DOCK3: variants seen among roughly 807,000 people sequenced by gnomAD.
DOCK3 encodes dedicator of cytokinesis protein 3.
DOCK3 carries 60 observed loss-of-function variants against 265.6 expected under a neutral mutation model. The observed-to-expected ratio is 0.23, with a 90% CI of 0.18 to 0.28. The LOEUF (loss-of-function observed/expected upper bound fraction) is 0.28, where lower values mean the gene tolerates loss of function less well. Ranked by LOEUF, DOCK3 falls within the 10% of genes least tolerant of loss-of-function variation. DOCK3 has a pLI of 1.00. For missense variants in DOCK3, 1,981 were observed against 2,594.3 expected (o/e 0.76, Z 5.14); for synonymous variants, 881 against 938.0 (o/e 0.94, Z 1.11).
At chr3:50,868,912 T>G (rs2047280154) in intron 3 of DOCK3, among the ~76,000 whole-genome samples, 1 of 148,054 alleles carries the variant, frequency 6.8e-6, no homozygotes, top group Admixed American at 6.7e-5. Context: ...TTTTTTTTTT[T>G]TTTTTTTTTT....
At chr3:50,806,460 A>G (rs1011612951) in intron 2 of DOCK3, among the ~76,000 whole-genome samples, 11 of 151,494 alleles carry the variant, frequency 7.3e-5, no homozygotes, top group Middle Eastern at 3.4e-3. Flanking sequence ...CCATGTAGCC[A>G]GGCCACTGGC....
At chr3:51,277,462 C>A in intron 25 of DOCK3, 146 bp from the exon 26 acceptor site, 1 of 1,072,174 alleles carries the variant, frequency 9.3e-7, no homozygotes, top group Non-Finnish European at 1.3e-6. Context: ...GTCCTGGGTG[C>A]CTTGACACTG....
In DOCK3 at chr3:50,739,361, C is replaced by G. The variant is rs1394411902; in HGVS notation, c.38-39314C>G. On this transcript the variant is annotated intron_variant, in intron 1 of 52. Coordinates refer to ENST00000266037, the MANE Select transcript of DOCK3 (RefSeq NM_004947.5). Reference sequence around the variant, plus strand: ...AACCAAATCATTTAGTTGTTCCTCCCTTTTCATCTGTTTTTTCTCATTAGT... The same window carrying G: ...AACCAAATCATTTAGTTGTTCCTCCGTTTTCATCTGTTTTTTCTCATTAGT... Among the ~76,000 whole-genome samples the G allele has an allele frequency of 2.6e-5, 4 of 151,950 alleles. No homozygotes were observed. The South Asian group carries it at 6.2e-4, about 24-fold the overall frequency.
At chr3:50,948,087 C>T (rs186380349) in intron 5 of DOCK3, among the ~76,000 whole-genome samples, 15 of 117,988 alleles carry the variant, frequency 1.3e-4, no homozygotes, top group African/African-American at 1.9e-4. Flanking sequence ...GGCAGAGTTT[C>T]GCTCTGTTGC....
At chr3:51,199,779 C>T (rs923286694) in intron 12 of DOCK3, among the ~76,000 whole-genome samples, 7 of 151,912 alleles carry the variant, frequency 4.6e-5, no homozygotes, top group Admixed American at 2.0e-4. Context: ...CTGGGAGGCA[C>T]CCCCCAGTAG....
chr3:50,933,044 G>T (rs1262990698), intron 4 of DOCK3, among the ~76,000 whole-genome samples: 1 of 151,868 alleles, frequency 6.6e-6, no homozygotes, highest in Non-Finnish European at 1.5e-5. Context: ...ATGTGCTGGG[G>T]AACTCCTCTT....
intron 5 of DOCK3, among the ~76,000 whole-genome samples, chr3:50,961,600 C>A (rs1213634198): frequency 2.0e-5 from 3 of 152,082 alleles, no homozygotes; most frequent in Non-Finnish European, 4.4e-5. Flanking sequence ...AAGATTAGAT[C>A]ATTATATGTG....
intron 1 of DOCK3, among the ~76,000 whole-genome samples, chr3:50,748,236 G>T (rs1383448986): frequency 1.3e-5 from 2 of 152,082 alleles, no homozygotes; most frequent in Non-Finnish European, 1.5e-5. Flanking sequence ...TGAATTCTTT[G>T]CCTCAAGTGA....
At chr3:51,203,338 A>G (rs2088946562) in intron 12 of DOCK3, among the ~76,000 whole-genome samples, 3 of 152,362 alleles carry the variant, frequency 2.0e-5, no homozygotes, top group Admixed American at 6.5e-5. Flanking sequence ...TACAAAATCA[A>G]TGTACAGAAA....
intron 5 of DOCK3, among the ~76,000 whole-genome samples, chr3:50,941,213 T>C (rs982979356): frequency 6.6e-6 from 1 of 152,122 alleles, no homozygotes; most frequent in Non-Finnish European, 1.5e-5. Context: ...TGGAACTCTG[T>C]AAATGGAACA....
At chr3:50,880,811 A>G (rs1009647455) in intron 3 of DOCK3, among the ~76,000 whole-genome samples, 2 of 152,344 alleles carry the variant, frequency 1.3e-5, no homozygotes, top group African/African-American at 4.8e-5. Context: ...AAAGCCGGGC[A>G]GAGACACAAC....
chr3:50,774,925 A>G (rs766894187), intron 1 of DOCK3, among the ~76,000 whole-genome samples: 43 of 152,094 alleles, frequency 2.8e-4, no homozygotes, highest in Non-Finnish European at 4.3e-4. Context: ...TTTTTCATAT[A>G]TAGAGGTGAT....
intron 22 of DOCK3, among the ~76,000 whole-genome samples, chr3:51,252,775 G>C (rs2079324099): frequency 6.6e-6 from 1 of 152,134 alleles, no homozygotes; most frequent in African/African-American, 2.4e-5. Context: ...GAGACAGTGG[G>C]GTTTTCCAAA....
chr3:51,176,224 T>C (rs973417277), intron 12 of DOCK3, among the ~76,000 whole-genome samples: 2 of 152,156 alleles, frequency 1.3e-5, no homozygotes, highest in African/African-American at 4.8e-5. Flanking sequence ...GTTGGTACCT[T>C]AGGTCCCAAG....
At chr3:50,979,290 GTAGC>G (rs1261368305) in intron 5 of DOCK3, among the ~76,000 whole-genome samples, 1 of 152,056 alleles carries the variant, frequency 6.6e-6, no homozygotes, top group Non-Finnish European at 1.5e-5. Context: ...AATTGTTTTG[GTAGC>G]TATTGTAAAT....
intron 9 of DOCK3, among the ~76,000 whole-genome samples, chr3:51,116,598 T>C (rs778405932): frequency 3.3e-5 from 5 of 152,170 alleles, no homozygotes; most frequent in Admixed American, 6.5e-5. Context: ...TCCATGAACA[T>C]GGAATTTTTT....
intron 22 of DOCK3, among the ~76,000 whole-genome samples, chr3:51,250,197 T>C (rs1170955462): frequency 6.6e-6 from 1 of 150,898 alleles, no homozygotes; most frequent in Non-Finnish European, 1.5e-5. Flanking sequence ...GTTTATCTGC[T>C]GACCTTCCCT....
At position 51,348,937 on chromosome 3, in the gene DOCK3, G is replaced by T; in HGVS notation, c.4001G>T (p.Arg1334Leu). 6.4e-7 allele frequency: 1 copy of T among 1,566,044 alleles called. No individual in the cohort carries two copies. Among genetic ancestry groups the T allele is most frequent in the Non-Finnish European group, 8.7e-7 (1 of 1,155,370 alleles). ...GATTACCAGAGCCTCAGCTGGATTC[G>T]GGTGAGCTGTGCCCCTCCCCCCACC... ...LYDYQSLSWIRKMEASYYDNI... is the reference protein window; with the variant it reads ...LYDYQSLSWILKMEASYYDNI... The change falls in exon 39 of 53, where the codon CGG becomes CTG. Residue 1334 changes from arginine (R) to leucine (L), a missense_variant and splice_region_variant. By Grantham distance (102) the Arg-to-Leu change is moderately radical. Around this residue, in one of 4 missense-constraint regions of DOCK3, gnomAD observed 1,357 missense variants for 1,866.8 expected, o/e 0.73. Transcript: ENST00000266037.
intron 5 of DOCK3, among the ~76,000 whole-genome samples, chr3:51,058,051 G>A (rs2081267090): frequency 6.6e-6 from 1 of 152,116 alleles, no homozygotes. Flanking sequence ...TTCTCATTTT[G>A]TTGCAGTTGA....
Sources: gnomAD v4.1 joint callset for allele counts (sites outside exome capture counted in the v4.1 genomes callset) on GRCh38, gnomAD v4.1.1 for gene constraint, gnomAD v4.1.1 regional missense constraint, MANE v1.5 for transcripts, NCBI Gene and HGNC (gene_info 2026-07-23, HGNC 2026-07-21) for gene names.